The following SEMA6D variants were observed in gnomAD, a reference collection of about 807,000 sequenced individuals.
SEMA6D encodes semaphorin 6D, also known as semaphorin-6D.
Under a neutral mutation model 106.6 loss-of-function variants are expected in SEMA6D, and 35 were observed. The observed-to-expected ratio is 0.33, with a 90% CI of 0.25 to 0.44. The LOEUF (loss-of-function observed/expected upper bound fraction) is 0.44, where lower values mean the gene tolerates loss of function less well. Among genes scored for constraint, SEMA6D ranks in the 20% least tolerant of loss-of-function variants. The pLI is 1.00. For missense variants in SEMA6D, 1,185 were observed against 1,345.9 expected, an observed-to-expected ratio of 0.88 and a Z score of 1.87; for synonymous variants, 499 against 487.7, an observed-to-expected ratio of 1.02 and a Z score of -0.31.
intron 1 of SEMA6D, among the ~76,000 whole-genome samples, chr15:47,343,372 C>T (rs555183870): frequency 7.9e-5 from 12 of 151,734 alleles, no homozygotes; most frequent in East Asian, 1.9e-4. Flanking sequence ...CGTCATTTAG[C>T]GTTAGGTATA....
chr15:47,719,772 T>C (rs919409550), intron 1 of SEMA6D, among the ~76,000 whole-genome samples: 3 of 152,238 alleles, frequency 2.0e-5, no homozygotes, highest in African/African-American at 7.2e-5. Flanking sequence ...CTTTTGATAC[T>C]GGTTTACTCT....
intron 1 of SEMA6D, among the ~76,000 whole-genome samples, chr15:47,752,426 G>A (rs1293194894): frequency 6.6e-6 from 1 of 152,200 alleles, no homozygotes; most frequent in South Asian, 2.1e-4. Context: ...CTAGAACACA[G>A]AAAGTAGAAG....
intron 1 of SEMA6D, among the ~76,000 whole-genome samples, chr15:47,226,428 A>G (rs1175991361): frequency 6.6e-6 from 1 of 152,098 alleles, no homozygotes; most frequent in African/African-American, 2.4e-5. Flanking sequence ...AAACATAAAC[A>G]CAGACATCAA....
chr15:47,746,783 G>C (rs1471925721), intron 1 of SEMA6D, among the ~76,000 whole-genome samples: 1 of 152,054 alleles, frequency 6.6e-6, no homozygotes, highest in Non-Finnish European at 1.5e-5. Context: ...CCCTTCCTTT[G>C]TCTAGAATGG....
Position 47,770,503 on chromosome 15 carries a change from G to A in SEMA6D, c.1940G>A (p.Arg647Gln), listed in dbSNP as rs775757768. The change falls in exon 19 of 19, where the codon CGA (arginine) becomes CAA (glutamine). Residue 647 changes from arginine (R) to glutamine (Q), a missense_variant. Physicochemically the swap from Arg to Gln is conservative, Grantham distance 43 (BLOSUM62 1). Around this residue, in one of 3 missense-constraint regions of SEMA6D, gnomAD observed 750 missense variants for 783.5 expected, o/e 0.96. Coordinates refer to ENST00000536845, the MANE Select transcript of SEMA6D (RefSeq NM_001358351.3). ...TCCCATGTGTCTATTTCAGGTGTAC[G>A]ATGGGAAGTCCAGTCTGGAGAGTCC... ...DPLSGIPKGV[R>Q]WEVQSGESNQ... The A allele has an allele frequency of 1.4e-5, 22 of 1,586,140 alleles. 1 individual carries two copies. Among genetic ancestry groups the A allele is most frequent in the East Asian group, 2.3e-5 (1 of 44,286 alleles).
At position 47,772,034 on chromosome 15, in the gene SEMA6D, A is replaced by T; in HGVS notation, c.*249A>T. On this transcript the variant is annotated 3_prime_UTR_variant, in exon 19 of 19. Transcript: ENST00000536845. ...ATTTCTTTTGTTTGAAGCTAAAGAGATGTGTAGCTCACAGGGGCTACCTTA... is the reference window on the plus strand; with the variant it reads ...ATTTCTTTTGTTTGAAGCTAAAGAGTTGTGTAGCTCACAGGGGCTACCTTA... The T allele has an allele frequency of 6.0e-6, 3 of 496,758 alleles. No individual in the cohort carries two copies. Among genetic ancestry groups the T allele is most frequent in the Non-Finnish European group, 1.1e-5 (3 of 279,130 alleles). 30.8% of individuals were successfully genotyped at this position (496,758 alleles called of 1,614,324 possible). A position where few individuals can be genotyped will look rare whatever the true frequency, so the allele number is the denominator to read the frequency against.
intron 3 of SEMA6D, among the ~76,000 whole-genome samples, chr15:47,503,972 C>A (rs1035752195): frequency 6.6e-6 from 1 of 152,172 alleles, no homozygotes; most frequent in African/African-American, 2.4e-5. Flanking sequence ...AAGGACAGCT[C>A]CAGTCACCTC....
intron 3 of SEMA6D, among the ~76,000 whole-genome samples, chr15:47,558,845 A>C (rs557380903): frequency 1.4e-4 from 21 of 152,236 alleles, no homozygotes; most frequent in African/African-American, 5.1e-4. Flanking sequence ...ATTTCCAAAA[A>C]TAATGGCAAA....
rs117005060 is a variant in SEMA6D, at chr15:47,759,377, G to A, written c.-54-368G>A. 6.3e-3 allele frequency among the ~76,000 whole-genome samples: 960 copies of A among 152,216 alleles called. 8 individuals are homozygous for A. Among genetic ancestry groups the A allele is most frequent in the Admixed American group, 0.021 (320 of 15,286 alleles). ...GCTGTATTAGATATATTTCAGGACT[G>A]GGGGAAGGGAAGAGGATTGGAATTT... On this transcript the variant is annotated intron_variant, in intron 1 of 18. Coordinates refer to ENST00000536845, the MANE Select transcript of SEMA6D (RefSeq NM_001358351.3).
chr15:47,258,892 A>T lies in SEMA6D; in HGVS notation c.-239+74474A>T, dbSNP rs1346217190. Among the ~76,000 whole-genome samples, 6 of 151,364 alleles carry T rather than the reference A, an allele frequency of 4.0e-5. No individual in the cohort carries two copies. The East Asian group carries it at 9.7e-4, about 24-fold the overall frequency. On this transcript the variant is annotated intron_variant, in intron 1 of 19. Transcript: ENST00000558014. ...ATTTGTTTTCTGCTTGTTTCCTTTCATTCTTCCTCTGTTTTTCTTTCTTGC... is the reference window on the plus strand; with the variant it reads ...ATTTGTTTTCTGCTTGTTTCCTTTCTTTCTTCCTCTGTTTTTCTTTCTTGC...
chr15:47,682,184 T>G (rs953448090), intron 4 of SEMA6D, among the ~76,000 whole-genome samples: 1 of 151,732 alleles, frequency 6.6e-6, no homozygotes, highest in Non-Finnish European at 1.5e-5. Flanking sequence ...TTTTTTTTTT[T>G]TGATACGGAG....
Position 47,296,219 on chromosome 15 carries a change from A to G in SEMA6D, c.-239+111801A>G, listed in dbSNP as rs555587743. ...TTGCTATCCAATGTAGGAGGTCACA[A>G]CAGCTACAGACAGGAATAATCTGAT... On this transcript the variant is annotated intron_variant, in intron 1 of 19. Coordinates refer to the SEMA6D transcript ENST00000558014. Among the ~76,000 whole-genome samples, 3 of 152,292 alleles carry G rather than the reference A, an allele frequency of 2.0e-5. No homozygotes were observed. The East Asian group carries it at 5.8e-4, about 29-fold the overall frequency.
Position 47,422,180 on chromosome 15 carries a change from G to T in SEMA6D, c.-159+9708G>T, listed in dbSNP as rs868659146. On this transcript the variant is annotated intron_variant, in intron 2 of 19. Coordinates refer to the SEMA6D transcript ENST00000558014. ...TTATTTTTTGCCCGCCCGCCTGCCTGCCTTCCTTCCTTCCTTCCTTCCTTC... is the reference window on the plus strand; with the variant it reads ...TTATTTTTTGCCCGCCCGCCTGCCTTCCTTCCTTCCTTCCTTCCTTCCTTC... 5.0e-3 allele frequency among the ~76,000 whole-genome samples: 566 copies of T among 112,850 alleles called. 4 individuals are homozygous for T. Among genetic ancestry groups the T allele is most frequent in the Admixed American group, 0.022 (236 of 10,496 alleles). The allele number at this position is 112,850 out of a possible 152,430, so 74.0% of individuals were successfully genotyped here.
intron 1 of SEMA6D, among the ~76,000 whole-genome samples, chr15:47,409,902 G>A (rs12442215): frequency 2.6e-5 from 4 of 151,950 alleles, no homozygotes; most frequent in Admixed American, 2.0e-4. Flanking sequence ...GGGGTTGTGG[G>A]GGGGGTGGGG....
At chr15:47,543,699 G>T (rs1330043427) in intron 3 of SEMA6D, among the ~76,000 whole-genome samples, 1 of 152,038 alleles carries the variant, frequency 6.6e-6, no homozygotes, top group Non-Finnish European at 1.5e-5. Context: ...TCACTGAAGG[G>T]TTTGAACTAG....
intron 3 of SEMA6D, among the ~76,000 whole-genome samples, chr15:47,596,096 G>A (rs187644941): frequency 1.3e-5 from 2 of 151,950 alleles, no homozygotes; most frequent in East Asian, 3.9e-4. Flanking sequence ...CAGTAAAGTT[G>A]CAGGATACAA....
At chr15:47,347,990 C>T (rs2038113083) in intron 1 of SEMA6D, among the ~76,000 whole-genome samples, 1 of 152,140 alleles carries the variant, frequency 6.6e-6, no homozygotes, top group Admixed American at 6.5e-5. Context: ...TCCTGGAAGT[C>T]TCCACTCTTT....
chr15:47,378,507 A>G (rs1488386469), intron 1 of SEMA6D, among the ~76,000 whole-genome samples: 1 of 152,186 alleles, frequency 6.6e-6, no homozygotes, highest in Non-Finnish European at 1.5e-5. Context: ...AAAATAAAAT[A>G]GAATAAAATT....
Position 47,770,500 on chromosome 15 carries a change from T to C in SEMA6D, c.1937T>C (p.Val646Ala). ...TTGTCCCATGTGTCTATTTCAGGTG[T>C]ACGATGGGAAGTCCAGTCTGGAGAG... ...TDPLSGIPKG[V>A]RWEVQSGESN... The change falls in exon 19 of 19, where the codon GTA (valine) becomes GCA (alanine). Residue 646 changes from valine to alanine, a missense_variant. Val to Ala is a moderately conservative substitution (Grantham distance 64). Coordinates refer to ENST00000536845, the MANE Select transcript of SEMA6D (RefSeq NM_001358351.3). 1 of 1,583,694 alleles carries C rather than the reference T, an allele frequency of 6.3e-7. No individual in the cohort carries two copies. The highest frequency in any genetic ancestry group is 8.6e-7 in the Non-Finnish European group (1 of 1,159,736).
Sources: gnomAD v4.1 joint callset for allele counts (sites outside exome capture counted in the v4.1 genomes callset) on GRCh38, gnomAD v4.1.1 for gene constraint, gnomAD v4.1.1 regional missense constraint, MANE v1.5 for transcripts, NCBI Gene and HGNC (gene_info 2026-07-23, HGNC 2026-07-21) for gene names.